Variants in HERC2 observed in about 807,000 individuals in gnomAD.
HERC2 encodes the protein E3 ubiquitin-protein ligase HERC2.
A neutral mutation model predicts 537.7 loss-of-function variants in HERC2; 102 were observed. The observed-to-expected ratio is 0.19, with a 90% CI of 0.16 to 0.22. The LOEUF (loss-of-function observed/expected upper bound fraction) is 0.22. Among genes scored for constraint, HERC2 ranks in the 10% least tolerant of loss-of-function variants. The pLI, the probability that HERC2 is intolerant of heterozygous loss-of-function variation, is 1.00. For missense variants in HERC2, 4,236 were observed against 6,198.2 expected (o/e 0.68, Z 10.63); for synonymous variants, 2,224 against 2,466.2 (o/e 0.90, Z 2.91).
chr15:28,320,639 T>C (rs1039324383), intron 2 of HERC2, among the ~76,000 whole-genome samples: 1 of 151,888 alleles, frequency 6.6e-6, no homozygotes, highest in Admixed American at 6.6e-5. Context: ...ACACAAAATA[T>C]TTCAAACACT....
chr15:28,216,138 A>G (rs1173331249), intron 38 of HERC2, among the ~76,000 whole-genome samples: 3 of 152,092 alleles, frequency 2.0e-5, no homozygotes, highest in Admixed American at 6.6e-5. Flanking sequence ...AAACCTTCTA[A>G]GTATGTGTAG....
chr15:28,297,652 A>C (rs1313627554), intron 3 of HERC2, among the ~76,000 whole-genome samples: 1 of 152,236 alleles, frequency 6.6e-6, no homozygotes, highest in African/African-American at 2.4e-5. Flanking sequence ...GTTCTAGAAC[A>C]GGCGCAATTT....
In HERC2 at chr15:28,186,612, A is replaced by G; in HGVS notation, c.8790T>C (p.Asn2930=). The G allele has an allele frequency of 6.2e-7, 1 of 1,614,116 alleles. No homozygotes were observed. ...LAAVPFLASD[N]EEEEDEKGNS... ...TGCCTTTCTCATCCTCCTCCTCTTC[A>G]TTATCCGAAGCTAAGAAAGGAACTG... Residue 2930 remains asparagine, a synonymous_variant, in exon 56 of 93, where the codon AAT becomes AAC. Transcript: ENST00000261609.
intron 42 of HERC2, 40 bp from the exon 43 acceptor site, chr15:28,212,623 G>T (rs370722254): frequency 1.9e-6 from 3 of 1,604,900 alleles, no homozygotes; most frequent in Admixed American, 3.4e-5. Context: ...TGGCCAATAC[G>T]ACTAACAAAT....
chr15:28,172,361 C>A (rs1265400346), intron 65 of HERC2, among the ~76,000 whole-genome samples: 1 of 152,192 alleles, frequency 6.6e-6, no homozygotes, highest in Non-Finnish European at 1.5e-5. Flanking sequence ...ACTCTTGCAA[C>A]CTGAGTTCAG....
rs2905935 is a variant in HERC2 at position 28,218,086 on chromosome 15, C to A, written c.6028+403G>T. ...TTGTTTGGAAATAGGGTCGCTGCAG[C>A]TGTAATCAGTTTGATGAGGTTGAAT... On this transcript the variant is annotated intron_variant, in intron 38 of 92. Coordinates refer to ENST00000261609, the MANE Select transcript of HERC2 (RefSeq NM_004667.6). 3.5e-4 allele frequency among the ~76,000 whole-genome samples: 53 copies of A among 151,820 alleles called. No individual in the cohort carries two copies. In the East Asian group the frequency reaches 6.4e-3, roughly 18 times the overall value.
At chr15:28,307,049 G>A (rs1179480736) in intron 2 of HERC2, among the ~76,000 whole-genome samples, 2 of 152,164 alleles carry the variant, frequency 1.3e-5, no homozygotes, top group Admixed American at 6.5e-5. Flanking sequence ...TGGCCAGACT[G>A]GTCTCGAACT....
chr15:28,145,094 C>A (rs534357061), intron 71 of HERC2, among the ~76,000 whole-genome samples: 137 of 152,364 alleles, frequency 9.0e-4, no homozygotes, highest in African/African-American at 3.2e-3. Context: ...GGGGAAATGA[C>A]CCCACCAGCC....
intron 69 of HERC2, among the ~76,000 whole-genome samples, chr15:28,154,309 T>A (rs547352964): frequency 1.6e-3 from 242 of 152,348 alleles, no homozygotes; most frequent in African/African-American, 5.4e-3. Context: ...CAAACTAATA[T>A]CATTGTCACA....
intron 85 of HERC2, among the ~76,000 whole-genome samples, chr15:28,123,221 G>A (rs796900176): frequency 2.6e-5 from 4 of 152,118 alleles, no homozygotes; most frequent in South Asian, 4.1e-4. Context: ...AAACAAAGCC[G>A]GTCTTTAAAA....
At chr15:28,215,134 C>A (rs143657629) in intron 39 of HERC2, among the ~76,000 whole-genome samples, 3,160 of 152,210 alleles carry the variant, frequency 0.021, 99 homozygotes, top group African/African-American at 0.072. Flanking sequence ...GCCTCGGCCT[C>A]CCAAAGTGCT....
intron 2 of HERC2, among the ~76,000 whole-genome samples, chr15:28,319,805 AATTAC>A (rs1291675063): frequency 6.6e-6 from 1 of 152,172 alleles, no homozygotes; most frequent in Admixed American, 6.5e-5. Flanking sequence ...GCAGTTATTA[AATTAC>A]AATTATTAAG....
chr15:28,246,868 G>C lies in HERC2; in HGVS notation c.3265C>G (p.Leu1089Val). The C allele has an allele frequency of 6.2e-7, 1 of 1,610,214 alleles. No homozygotes were observed. ...CACAGGAGGGCTGTGTACTTCTTCA[G>C]CAAGGAACCAACACCCATTAGCTCT... ...SPELMGVGSL[L>V]KKYTALLCTH... is the part of the protein sequence containing the mutation. The change falls in exon 22 of 93, where the codon CTG becomes GTG. Residue 1089 changes from leucine (L) to valine (V), a missense_variant. Leu to Val is a conservative substitution (Grantham distance 32, BLOSUM62 1). Transcript: ENST00000261609.
Position 28,268,765 on chromosome 15 carries a change from A to G in HERC2, c.1447-149T>C, listed in dbSNP as rs1042708898. The G allele has an allele frequency of 2.8e-5, 19 of 675,274 alleles. No homozygotes were observed. In the East Asian group the frequency reaches 5.2e-4, roughly 18 times the overall value. The allele number at this position is 675,274 out of a possible 1,614,324, so 41.8% of individuals were successfully genotyped here. ...CTGGGAACTACGGGGCCGGCTCTCCAGCCCTTCCCACCCAGCAGCAACAGA... is the reference window on the plus strand; with the variant it reads ...CTGGGAACTACGGGGCCGGCTCTCCGGCCCTTCCCACCCAGCAGCAACAGA... On this transcript the variant is annotated intron_variant, in intron 11 of 92. Coordinates refer to ENST00000261609, the MANE Select transcript of HERC2 (RefSeq NM_004667.6). This position sits in a 1 kb window ranked among gnomAD's most constrained non-coding sequence, Gnocchi z 4.7.
intron 85 of HERC2, among the ~76,000 whole-genome samples, chr15:28,123,188 C>T (rs1889113453): frequency 6.6e-6 from 1 of 152,144 alleles, no homozygotes. Flanking sequence ...TCCTGTTCAG[C>T]AGAAATCGTT....
At chr15:28,301,745 A>G (rs1177586853) in intron 2 of HERC2, among the ~76,000 whole-genome samples, 3,332 of 81,870 alleles carry the variant, frequency 0.041, 213 homozygotes, top group African/African-American at 0.15. Context: ...GTATATATAT[A>G]TATATATATA....
chr15:28,213,865 A>G lies in HERC2; in HGVS notation c.6663T>C (p.Gly2221=), dbSNP rs768346669. Residue 2221 remains glycine (G), a synonymous_variant, in exon 42 of 93, where the codon GGT becomes GGC. Coordinates refer to ENST00000261609, the MANE Select transcript of HERC2 (RefSeq NM_004667.6). The part of the protein sequence containing the change: ...GGIDGRLRLG[G]QVMHDEFGEG... Reference sequence around the variant, plus strand: ...CTCCAAACTCATCGTGCATAACTTGACCGCCCAGGCGCAGGCGACCATCGA... The same window carrying G: ...CTCCAAACTCATCGTGCATAACTTGGCCGCCCAGGCGCAGGCGACCATCGA... 4.0e-5 allele frequency: 65 copies of G among 1,613,470 alleles called. No homozygotes were observed. Among genetic ancestry groups the G allele is most frequent in the Non-Finnish European group, 5.3e-5 (63 of 1,179,930 alleles).
At chr15:28,255,780 G>A in intron 19 of HERC2, 92 bp downstream of exon 19, 1 of 1,356,626 alleles carries the variant, frequency 7.4e-7, no homozygotes, top group Non-Finnish European at 1.0e-6. Flanking sequence ...AAAGTTTAGA[G>A]TTTTACTGTT....
At position 28,215,808 on chromosome 15, in the gene HERC2, G is replaced by A. The variant is rs542703073; in HGVS notation, c.6029-6C>T. ...CACCAGCCTGTTTGGAGAAGCTGCA[G>A]GAGGGAAAATAGACATGCTTGGTAA... On this transcript the variant is annotated splice_polypyrimidine_tract_variant and splice_region_variant and intron_variant, in intron 38 of 92. Transcript: ENST00000261609. 8.9e-5 allele frequency: 141 copies of A among 1,579,508 alleles called. No homozygotes were observed. Among genetic ancestry groups the A allele is most frequent in the African/African-American group, 1.2e-4 (9 of 73,908 alleles).
Sources: allele counts gnomAD v4.1 joint callset (sites outside exome capture counted in the v4.1 genomes callset), GRCh38; gene constraint gnomAD v4.1.1; non-coding constraint Gnocchi (gnomAD v3.1); transcripts MANE v1.5; gene names NCBI Gene and HGNC (gene_info 2026-07-23, HGNC 2026-07-21).